The following TMEM150C variants were observed in gnomAD, a reference collection of about 807,000 sequenced individuals.
TMEM150C encodes the protein tentonin 3.
In TMEM150C, 10 loss-of-function variants were observed where a neutral mutation model predicts 29.9. The ratio of observed to expected loss-of-function variants is 0.33; its 90% CI spans 0.21 to 0.57. TMEM150C has a LOEUF of 0.57. Ranked by LOEUF, TMEM150C falls within the 20% of genes least tolerant of loss-of-function variation. TMEM150C has a pLI of 0.88. For synonymous variants in TMEM150C, 101 were observed against 112.5 expected (o/e 0.90, Z 0.64); for missense variants, 251 against 303.6 (o/e 0.83, Z 1.29).
chr4:82,511,845 A>C (rs4560401), intron 1 of TMEM150C, among the ~76,000 whole-genome samples: 3,940 of 152,320 alleles, frequency 0.026, 175 homozygotes, highest in African/African-American at 0.082. Context: ...ACTGTCTTAG[A>C]GTTTCTATGC....
At chr4:82,502,010 A>G (rs1327916842) in intron 5 of TMEM150C, among the ~76,000 whole-genome samples, 1 of 152,134 alleles carries the variant, frequency 6.6e-6, no homozygotes, top group Non-Finnish European at 1.5e-5. Context: ...TGACTCTTGG[A>G]GAGACACTGG....
At chr4:82,499,869 T>TTTTTG (rs1017227154) in intron 5 of TMEM150C, among the ~76,000 whole-genome samples, 1 of 152,088 alleles carries the variant, frequency 6.6e-6, no homozygotes, top group Non-Finnish European at 1.5e-5. Flanking sequence ...CCTGGCCAAA[T>TTTTTG]TTTTGTTTTG....
At chr4:82,491,341 G>C in intron 6 of TMEM150C, 1 of 649,278 alleles carries the variant, frequency 1.5e-6, no homozygotes, top group Non-Finnish European at 2.8e-6. Flanking sequence ...AGCTTAAGCA[G>C]CTGAGTAGCT....
At chr4:82,519,594 T>C (rs954093627) in intron 1 of TMEM150C, among the ~76,000 whole-genome samples, 1 of 152,060 alleles carries the variant, frequency 6.6e-6, no homozygotes, top group Non-Finnish European at 1.5e-5. Context: ...GCCCAGCTAA[T>C]TTTTGTAATT....
intron 6 of TMEM150C, among the ~76,000 whole-genome samples, chr4:82,493,983 G>A (rs1723455863): frequency 6.6e-6 from 1 of 152,200 alleles, no homozygotes; most frequent in East Asian, 1.9e-4. Context: ...GGAAGTCTTT[G>A]GGAATGAGTG....
rs1184653490 is a variant in TMEM150C at position 82,507,725 on chromosome 4, CTCTTTTTTTTTTTTTTTTTTTTT to C, written c.-10-3081_-10-3059del. On this transcript the variant is annotated intron_variant, in intron 1 of 7. Coordinates refer to ENST00000449862, the MANE Select transcript of TMEM150C (RefSeq NM_001080506.3). ...TATTAAATTAACTCTCTCTCTCTCT[CTCTTTTTTTTTTTTTTTTTTTTT>C]TTTTTTTTTTTTTTTTTTGAGACAC... Among the ~76,000 whole-genome samples the C allele has an allele frequency of 2.2e-3, 61 of 27,840 alleles. 2 individuals carry two copies. The highest frequency in any genetic ancestry group is 0.019 in the Middle Eastern group (1 of 54). The allele number at this position is 27,840 out of a possible 152,430, so 18.3% of individuals were successfully genotyped here. A position where few individuals can be genotyped will look rare whatever the true frequency, so the allele number is the denominator to read the frequency against.
intron 1 of TMEM150C, among the ~76,000 whole-genome samples, chr4:82,512,822 T>G (rs1173805726): frequency 6.6e-6 from 1 of 152,126 alleles, no homozygotes; most frequent in Non-Finnish European, 1.5e-5. Flanking sequence ...TTTTAGAAGT[T>G]TAAAAAGCCA....
At chr4:82,534,602 A>G (rs1724951023) in intron 1 of TMEM150C, among the ~76,000 whole-genome samples, 1 of 152,236 alleles carries the variant, frequency 6.6e-6, no homozygotes, top group African/African-American at 2.4e-5. Flanking sequence ...AATGGGGTCC[A>G]AGGATTACTG....
chr4:82,535,760 ATATC>A (rs746090127), intron 1 of TMEM150C, among the ~76,000 whole-genome samples: 1 of 152,244 alleles, frequency 6.6e-6, no homozygotes, highest in African/African-American at 2.4e-5. Flanking sequence ...GCATTAAAGA[ATATC>A]TAATATGGGG....
chr4:82,508,092 A>C (rs1723997731), intron 1 of TMEM150C, among the ~76,000 whole-genome samples: 3 of 152,102 alleles, frequency 2.0e-5, no homozygotes, highest in Non-Finnish European at 2.9e-5. Context: ...TTTTTCTTGC[A>C]TCCTTCCAGA....
chr4:82,506,218 A>C (rs1046051127), intron 1 of TMEM150C, among the ~76,000 whole-genome samples: 2 of 152,190 alleles, frequency 1.3e-5, no homozygotes, highest in Non-Finnish European at 2.9e-5. Context: ...GTGTTGAGAC[A>C]AGAGAGGAAA....
chr4:82,561,802 C>G (rs1725944334), intron 1 of TMEM150C, 104 bp downstream of exon 1: 1 of 839,952 alleles, frequency 1.2e-6, no homozygotes, highest in African/African-American at 1.9e-5. Flanking sequence ...CGCGCTGCAG[C>G]CCCCGCCGTC....
At position 82,485,562 on chromosome 4, in the gene TMEM150C, G is replaced by A. The variant is rs747742164; in HGVS notation, c.699C>T (p.Ser233=). The A allele has an allele frequency of 2.5e-5, 41 of 1,610,370 alleles. No homozygotes were observed. Among genetic ancestry groups the A allele is most frequent in the Non-Finnish European group, 3.1e-5 (37 of 1,178,356 alleles). Residue 233 remains serine, a synonymous_variant, in exon 8 of 8, where the codon AGC becomes AGT. Transcript: ENST00000449862. ...AAGCTTCTGACAGGCTTTCTGAGAA[G>A]CTTAGGAAATTCTCCTGGTACTCAG... ...VCSEYQENFL[S]FSESLSEASE... is the part of the protein sequence containing the mutation.
At chr4:82,539,065 T>G (rs1043746963) in intron 1 of TMEM150C, among the ~76,000 whole-genome samples, 2 of 152,164 alleles carry the variant, frequency 1.3e-5, no homozygotes, top group African/African-American at 4.8e-5. Context: ...AGACCCTGTC[T>G]CAAACAAACA....
intron 7 of TMEM150C, among the ~76,000 whole-genome samples, chr4:82,486,155 T>C: frequency 6.6e-6 from 1 of 151,922 alleles, no homozygotes. Context: ...TCCTGCGCCA[T>C]GTATTCAATA....
At chr4:82,495,213 C>T (rs993244284) in intron 6 of TMEM150C, 12 of 309,640 alleles carry the variant, frequency 3.9e-5, no homozygotes, top group East Asian at 2.3e-4. Context: ...GAGGCCGAGG[C>T]GGGCAGATCG....
At chr4:82,544,040 C>T (rs1051221078) in intron 1 of TMEM150C, among the ~76,000 whole-genome samples, 3 of 152,184 alleles carry the variant, frequency 2.0e-5, no homozygotes, top group Admixed American at 6.5e-5. Flanking sequence ...TCAGTGTGAA[C>T]CACTATTACG....
At chr4:82,542,800 G>A (rs1725237037) in intron 1 of TMEM150C, among the ~76,000 whole-genome samples, 1 of 152,104 alleles carries the variant, frequency 6.6e-6, no homozygotes, top group Non-Finnish European at 1.5e-5. Context: ...ATGGATCCAG[G>A]TGAAAGACAC....
chr4:82,499,981 G>A (rs1413265918), intron 5 of TMEM150C, among the ~76,000 whole-genome samples: 3 of 151,998 alleles, frequency 2.0e-5, no homozygotes, highest in Non-Finnish European at 4.4e-5. Context: ...GCTGCTATTC[G>A]GTGACTGACA....
Sources: gnomAD v4.1 joint callset for allele counts (sites outside exome capture counted in the v4.1 genomes callset) on GRCh38, gnomAD v4.1.1 for gene constraint, MANE v1.5 for transcripts, NCBI Gene and HGNC (gene_info 2026-07-23, HGNC 2026-07-21) for gene names.